Variants in FSIP1 observed in about 807,000 individuals in gnomAD.
FSIP1 encodes the protein fibrous sheath interacting protein 1.
FSIP1 carries 65 observed loss-of-function variants against 60.9 expected under a neutral mutation model. The observed-to-expected ratio is 1.07, with a 90% confidence interval of 0.87 to 1.31. The LOEUF (loss-of-function observed/expected upper bound fraction) is 1.31. FSIP1 is among the 40% of genes most tolerant of loss of function. The probability of loss-of-function intolerance (pLI) is 0.00; values close to 1 mark genes in which losing one functional copy is unlikely to be tolerated. For missense variants in FSIP1, 675 were observed against 665.5 expected (o/e 1.01, Z -0.16); for synonymous variants, 209 against 221.2 (o/e 0.94, Z 0.49).
chr15:39,603,762 A>G (rs79544755), intron 11 of FSIP1, among the ~76,000 whole-genome samples: 3,170 of 152,314 alleles, frequency 0.021, 111 homozygotes, highest in African/African-American at 0.072. Context: ...AGCAGATGGG[A>G]AAAAAGGTAC....
intron 8 of FSIP1, among the ~76,000 whole-genome samples, 188 bp downstream of exon 8, chr15:39,737,890 ATTTAGTTCCCACT>A (rs1451751121): frequency 2.0e-5 from 3 of 152,066 alleles, no homozygotes; most frequent in African/African-American, 4.8e-5. Flanking sequence ...TGTTCTCATC[ATTTAGTTCCCACT>A]TAAAAGTGAG....
chr15:39,625,451 A>AGACTGTGCTTTCTAACAGGGT (rs1425158483), intron 10 of FSIP1, among the ~76,000 whole-genome samples: 2 of 152,186 alleles, frequency 1.3e-5, no homozygotes, highest in East Asian at 1.9e-4. Flanking sequence ...CAGGAGAGCC[A>AGACTGTGCTTTCTAACAGGGT]GACTGTGCTT....
At chr15:39,773,225 A>G (rs1213947453) in intron 2 of FSIP1, among the ~76,000 whole-genome samples, 1 of 152,264 alleles carries the variant, frequency 6.6e-6, no homozygotes, top group African/African-American at 2.4e-5. Flanking sequence ...ACCAAGATTT[A>G]TTAGTCAAAC....
intron 10 of FSIP1, among the ~76,000 whole-genome samples, chr15:39,627,431 T>C (rs1002167077): frequency 2.0e-5 from 3 of 152,170 alleles, no homozygotes; most frequent in African/African-American, 7.2e-5. Context: ...AGCTGGCCAC[T>C]TCTAGGCTTG....
chr15:39,604,234 ACT>A (rs1247856398), intron 11 of FSIP1, among the ~76,000 whole-genome samples: 1 of 152,136 alleles, frequency 6.6e-6, no homozygotes, highest in Non-Finnish European at 1.5e-5. Context: ...CCCGGCTGAG[ACT>A]CTACATTTCT....
At chr15:39,744,178 T>C (rs1896903390) in intron 5 of FSIP1, among the ~76,000 whole-genome samples, 1 of 152,058 alleles carries the variant, frequency 6.6e-6, no homozygotes, top group African/African-American at 2.4e-5. Context: ...GGATAGAGAG[T>C]ATTTGAGAAT....
intron 10 of FSIP1, among the ~76,000 whole-genome samples, chr15:39,642,200 C>T (rs73393237): frequency 0.038 from 5,768 of 152,156 alleles, 383 homozygotes; most frequent in African/African-American, 0.13. Flanking sequence ...GACAAAAGAC[C>T]TTCCCTGTAG....
rs1439145365 is a variant in FSIP1 at position 39,617,845 on chromosome 15, C to T, written c.1589G>A (p.Gly530Glu). The T allele has an allele frequency of 3.7e-6, 6 of 1,614,080 alleles. No homozygotes were observed. The highest frequency in any genetic ancestry group is 1.7e-5 in the Admixed American group (1 of 60,010). The change falls in exon 11 of 12, where the codon GGG becomes GAG. Residue 530 changes from glycine (G) to glutamate (E), a missense_variant. By Grantham distance (98) the Gly-to-Glu change is moderately conservative (BLOSUM62 -2). Transcript: ENST00000350221. ...TAAGAAGGAGGGCCTTTTCAGTCTC[C>T]CAATGCCAAGAGTCTTCGACATAAA... The part of the protein sequence containing the change: ...DYFMSKTLGI[G>E]RLKRPSFLDD...
Position 39,654,754 on chromosome 15 carries a change from A to G in FSIP1, c.1189-36509T>C, listed in dbSNP as rs576315863. Among the ~76,000 whole-genome samples the G allele has an allele frequency of 7.2e-5, 11 of 152,330 alleles. No individual in the cohort carries two copies. The East Asian group carries it at 7.7e-4, about 11-fold the overall frequency. ...ATCAGTCAGGAAGACCTGTGACCCAATGGCTCTCATGTGCTCATGGACTAA... is the reference window on the plus strand; with the variant it reads ...ATCAGTCAGGAAGACCTGTGACCCAGTGGCTCTCATGTGCTCATGGACTAA... On this transcript the variant is annotated intron_variant, in intron 10 of 11. Transcript: ENST00000350221.
chr15:39,668,362 T>G (rs1243075930), intron 10 of FSIP1, among the ~76,000 whole-genome samples: 1 of 152,122 alleles, frequency 6.6e-6, no homozygotes, highest in Non-Finnish European at 1.5e-5. Context: ...AGAAGCAATT[T>G]CTCCAGAACA....
chr15:39,633,981 C>T (rs1047869903), intron 10 of FSIP1, among the ~76,000 whole-genome samples: 1 of 152,150 alleles, frequency 6.6e-6, no homozygotes, highest in Non-Finnish European at 1.5e-5. Flanking sequence ...CTTCCACAAG[C>T]TCCACCACCC....
intron 10 of FSIP1, among the ~76,000 whole-genome samples, chr15:39,654,434 G>A (rs1460850590): frequency 3.3e-5 from 5 of 152,246 alleles, no homozygotes; most frequent in South Asian, 2.1e-4. Context: ...TGGGACCACC[G>A]TCGTATATGC....
chr15:39,679,468 G>A (rs896262987), intron 10 of FSIP1, among the ~76,000 whole-genome samples: 12 of 152,242 alleles, frequency 7.9e-5, no homozygotes, highest in Non-Finnish European at 1.5e-4. Flanking sequence ...CAGGTATGGT[G>A]GCTCGCGCCT....
intron 9 of FSIP1, among the ~76,000 whole-genome samples, chr15:39,723,961 C>T (rs73395254): frequency 6.6e-6 from 1 of 152,192 alleles, no homozygotes; most frequent in Non-Finnish European, 1.5e-5. Context: ...GGAAATTGAA[C>T]AAAAGCTCAA....
intron 10 of FSIP1, among the ~76,000 whole-genome samples, chr15:39,655,920 A>G (rs1160052381): frequency 6.6e-6 from 1 of 152,146 alleles, no homozygotes; most frequent in Non-Finnish European, 1.5e-5. Flanking sequence ...AGAGAAAATT[A>G]ATACATTTAA....
At chr15:39,741,981 C>T (rs72727074) in intron 5 of FSIP1, 81 bp from the exon 6 acceptor site, 42,313 of 754,360 alleles carry the variant, frequency 0.056, 2,123 homozygotes, top group East Asian at 0.22. Flanking sequence ...AAAAAGATAA[C>T]ATTTAATATT....
chr15:39,751,375 G>A (rs1026029655), intron 5 of FSIP1, among the ~76,000 whole-genome samples: 1 of 150,906 alleles, frequency 6.6e-6, no homozygotes, highest in South Asian at 2.1e-4. Flanking sequence ...AACAAACCAA[G>A]TGTCCATTGG....
At chr15:39,619,778 G>T (rs769319814) in intron 10 of FSIP1, among the ~76,000 whole-genome samples, 1 of 152,000 alleles carries the variant, frequency 6.6e-6, no homozygotes, top group African/African-American at 2.4e-5. Flanking sequence ...AATTCCCTAC[G>T]ATTTAGAAAG....
At chr15:39,672,709 T>C (rs913783396) in intron 10 of FSIP1, among the ~76,000 whole-genome samples, 2 of 152,200 alleles carry the variant, frequency 1.3e-5, no homozygotes, top group Admixed American at 6.5e-5. Flanking sequence ...TAACTCACGG[T>C]AGTTATTAAA....
Sources: gnomAD v4.1 joint callset for allele counts (sites outside exome capture counted in the v4.1 genomes callset) on GRCh38, gnomAD v4.1.1 for gene constraint, MANE v1.5 for transcripts, NCBI Gene and HGNC (gene_info 2026-07-23, HGNC 2026-07-21) for gene names.